The following SGCD variants were observed in gnomAD, a reference collection of about 807,000 sequenced individuals.
SGCD encodes sarcoglycan delta.
SGCD carries 18 observed loss-of-function variants against 36.6 expected under a neutral mutation model. That is an observed-to-expected ratio of 0.49 (90% CI 0.34 to 0.73). SGCD has a LOEUF of 0.73. SGCD is among the 30% of genes least tolerant of loss of function. The probability of loss-of-function intolerance (pLI) is 0.01; values close to 1 mark genes in which losing one functional copy is unlikely to be tolerated. For missense variants in SGCD, 387 were observed against 346.7 expected, an observed-to-expected ratio of 1.12 and a Z score of -0.92; for synonymous variants, 133 against 130.6, an observed-to-expected ratio of 1.02 and a Z score of -0.12.
chr5:155,939,926 T>G (rs561334217), intron 1 of SGCD, among the ~76,000 whole-genome samples: 114 of 151,656 alleles, frequency 7.5e-4, no homozygotes, highest in Non-Finnish European at 1.2e-3. Flanking sequence ...CTCCTCCTCC[T>G]GGGTTCAAGA....
intron 6 of SGCD, among the ~76,000 whole-genome samples, chr5:156,640,886 C>G (rs1344254694): frequency 6.6e-6 from 1 of 152,142 alleles, no homozygotes; most frequent in Non-Finnish European, 1.5e-5. Context: ...TGGGGAGACA[C>G]AATGGGATTA....
At chr5:155,782,013 T>C in the SGCD span, among the ~76,000 whole-genome samples, 4 of 143,308 alleles carry the variant, frequency 2.8e-5, no homozygotes, top group South Asian at 2.2e-4. Context: ...CCATACTTTT[T>C]CATTTTTCTT....
intron 6 of SGCD, among the ~76,000 whole-genome samples, chr5:156,605,607 C>G (rs1326210236): frequency 6.6e-6 from 1 of 152,156 alleles, no homozygotes; most frequent in African/African-American, 2.4e-5. Flanking sequence ...AATTCTAGAT[C>G]CCTGAGGAAT....
intron 4 of SGCD, among the ~76,000 whole-genome samples, chr5:156,588,119 C>T (rs1760571208): frequency 6.6e-6 from 1 of 151,762 alleles, no homozygotes; most frequent in South Asian, 2.1e-4. Context: ...GAGATTCATC[C>T]TTTAATTTAT....
chr5:155,832,525 G>T, the SGCD span, among the ~76,000 whole-genome samples: 1 of 152,096 alleles, frequency 6.6e-6, no homozygotes, highest in African/African-American at 2.4e-5. Flanking sequence ...AAGCATTGCT[G>T]CCTCTCTGTA....
chr5:155,802,028 A>T, the SGCD span, among the ~76,000 whole-genome samples: 268 of 152,324 alleles, frequency 1.8e-3, 7 homozygotes, highest in East Asian at 0.021. Context: ...CTTATACTAC[A>T]TGACCTTGTT....
intron 3 of SGCD, among the ~76,000 whole-genome samples, chr5:156,458,728 A>G (rs896126742): frequency 1.3e-5 from 2 of 152,246 alleles, no homozygotes; most frequent in Non-Finnish European, 2.9e-5. Context: ...CATCATCACC[A>G]ACATCACGAT....
chr5:156,492,563 A>AT (rs1245522440), intron 3 of SGCD, among the ~76,000 whole-genome samples: 6 of 152,202 alleles, frequency 3.9e-5, no homozygotes, highest in African/African-American at 1.2e-4. Flanking sequence ...GTACAACATG[A>AT]TTTTTTTAAA....
chr5:156,267,228 T>C (rs1009359243), intron 3 of SGCD, among the ~76,000 whole-genome samples: 15 of 152,190 alleles, frequency 9.9e-5, no homozygotes, highest in African/African-American at 3.6e-4. Context: ...CTGTGTCACA[T>C]TTCATCTTAA....
the SGCD span, among the ~76,000 whole-genome samples, chr5:155,769,139 T>TA: frequency 2.0e-5 from 3 of 152,104 alleles, no homozygotes; most frequent in South Asian, 6.2e-4. Flanking sequence ...ATATATACAG[T>TA]AAAAAATGTA....
At chr5:155,882,699 C>A (rs997856314) in intron 1 of SGCD, among the ~76,000 whole-genome samples, 5 of 152,090 alleles carry the variant, frequency 3.3e-5, no homozygotes, top group African/African-American at 1.2e-4. Flanking sequence ...AAAATACTCA[C>A]CAAACCATGC....
At chr5:156,158,889 T>G (rs1486779209) in intron 3 of SGCD, among the ~76,000 whole-genome samples, 2 of 151,568 alleles carry the variant, frequency 1.3e-5, no homozygotes, top group Non-Finnish European at 2.9e-5. Flanking sequence ...AATCTCAGTC[T>G]GTACTATAAA....
the SGCD span, among the ~76,000 whole-genome samples, chr5:155,808,315 T>C: frequency 1.3e-5 from 2 of 152,224 alleles, no homozygotes; most frequent in Non-Finnish European, 2.9e-5. Context: ...ACCAGGATGC[T>C]ATTTTTAAAT....
intron 3 of SGCD, among the ~76,000 whole-genome samples, chr5:156,397,672 G>A (rs912994886): frequency 2.1e-4 from 32 of 152,270 alleles, no homozygotes; most frequent in African/African-American, 6.7e-4. Context: ...CTGTCTCCCC[G>A]AGCAGCTTAG....
At chr5:156,287,841 G>T (rs955802431) in intron 3 of SGCD, among the ~76,000 whole-genome samples, 1 of 152,112 alleles carries the variant, frequency 6.6e-6, no homozygotes, top group East Asian at 1.9e-4. Flanking sequence ...TGAGCCTGCA[G>T]TGAGCTAGGA....
intron 1 of SGCD, among the ~76,000 whole-genome samples, chr5:155,875,004 A>G (rs1027150563): frequency 1.8e-5 from 1 of 54,510 alleles, no homozygotes; most frequent in Non-Finnish European, 3.0e-5. Flanking sequence ...CAAAACTGGG[A>G]AAAAAAATGG....
chr5:156,375,853 G>A (rs951513862), intron 3 of SGCD, among the ~76,000 whole-genome samples: 42 of 151,868 alleles, frequency 2.8e-4, no homozygotes, highest in African/African-American at 1.0e-3. Context: ...TGGAAACTCT[G>A]CTATATTTTT....
At chr5:156,026,629 C>T (rs899659810) in intron 1 of SGCD, among the ~76,000 whole-genome samples, 2 of 152,174 alleles carry the variant, frequency 1.3e-5, no homozygotes. Context: ...TAAGTTTAAT[C>T]GTCAGCTTCC....
At chr5:156,568,195 C>A (rs1759573902) in intron 4 of SGCD, among the ~76,000 whole-genome samples, 1 of 151,986 alleles carries the variant, frequency 6.6e-6, no homozygotes, top group Non-Finnish European at 1.5e-5. Context: ...CACAGCCTGG[C>A]CAACATGGTG....
Sources: gnomAD v4.1 joint callset for allele counts (sites outside exome capture counted in the v4.1 genomes callset) on GRCh38, gnomAD v4.1.1 for gene constraint, MANE v1.5 for transcripts, NCBI Gene and HGNC (gene_info 2026-07-23, HGNC 2026-07-21) for gene names.